Variants in KIF1A observed in about 807,000 individuals in gnomAD.
KIF1A encodes the protein kinesin family member 1A, also known as kinesin-like protein KIF1A.
A neutral mutation model predicts 227.3 loss-of-function variants in KIF1A; 46 were observed. The observed-to-expected ratio is 0.20, with a 90% CI of 0.16 to 0.26. KIF1A has a LOEUF of 0.26. KIF1A is among the 10% of genes least tolerant of loss of function. The pLI is 1.00. For missense variants in KIF1A, 1,683 were observed against 2,485.9 expected (o/e 0.68, Z 6.87); for synonymous variants, 1,022 against 1,012.8 (o/e 1.01, Z -0.17).
At chr2:240,764,338 G>A (rs762209592) in intron 20 of KIF1A, among the ~76,000 whole-genome samples, 2 of 152,012 alleles carry the variant, frequency 1.3e-5, no homozygotes, top group Non-Finnish European at 2.9e-5. Flanking sequence ...AGGCACCAGG[G>A]CCAACCCCAA....
rs560809711 is a variant in KIF1A at position 240,745,667 on chromosome 2, C to T, written c.3374+71G>A. On this transcript the variant is annotated intron_variant, in intron 31 of 48. Coordinates refer to ENST00000498729, the MANE Select transcript of KIF1A (RefSeq NM_001244008.2). ...CCAACATGGCCTGCTCCCTGCCCAG[C>T]ACCCAGGCACGGGAGCCTTGGGCAC... 1,432 of 1,550,430 alleles carry T rather than the reference C, an allele frequency of 9.2e-4. 2 individuals carry two copies. Among genetic ancestry groups the T allele is most frequent in the Non-Finnish European group, 1.1e-3 (1,301 of 1,138,694 alleles).
chr2:240,751,133 C>T (rs745789109), intron 27 of KIF1A, among the ~76,000 whole-genome samples: 1 of 152,172 alleles, frequency 6.6e-6, no homozygotes. Context: ...GCGGCCCAGC[C>T]TGCCCTGTCA....
chr2:240,720,039 G>T, intron 45 of KIF1A, 113 bp from the exon 46 acceptor site: 12 of 1,057,268 alleles, frequency 1.1e-5, no homozygotes, highest in East Asian at 3.0e-5. Context: ...GGGCACCTTC[G>T]CAGGGTCTCT....
intron 1 of KIF1A, among the ~76,000 whole-genome samples, chr2:240,813,309 A>G (rs1040109493): frequency 6.6e-6 from 1 of 152,226 alleles, no homozygotes; most frequent in Non-Finnish European, 1.5e-5. Context: ...CCCACCACAC[A>G]GCCCCCAACT....
chr2:240,808,570 G>T (rs2057611696), intron 1 of KIF1A, among the ~76,000 whole-genome samples: 1 of 151,916 alleles, frequency 6.6e-6, no homozygotes, highest in Admixed American at 6.6e-5. Flanking sequence ...TCCTTGGGAG[G>T]CTGAGGTAGG....
rs1444327081 is a variant in KIF1A at position 240,757,653 on chromosome 2, AGGGGCC to A, written c.2583-65_2583-60del. 7 of 1,450,596 alleles carry A rather than the reference AGGGGCC, an allele frequency of 4.8e-6. No homozygotes were observed. Among genetic ancestry groups the A allele is most frequent in the South Asian group, 2.5e-5 (2 of 79,380 alleles). 89.9% of individuals were successfully genotyped at this position (1,450,596 alleles called of 1,614,324 possible). A position where few individuals can be genotyped will look rare whatever the true frequency, so the allele number is the denominator to read the frequency against. ...ACACCAGCGACTCGCAGGGACGAACAGGGGCCGGGGCCGGGGCTGGGGGGCTTCTGT... is the reference window on the plus strand; with the variant it reads ...ACACCAGCGACTCGCAGGGACGAACAGGGGCCGGGGCTGGGGGGCTTCTGT... On this transcript the variant is annotated intron_variant, in intron 26 of 48. Transcript: ENST00000498729. This position sits in a 1 kb window ranked among gnomAD's most constrained non-coding sequence, Gnocchi z 6.2.
chr2:240,720,121 A>G, intron 45 of KIF1A, 195 bp from the exon 46 acceptor site: 1 of 490,964 alleles, frequency 2.0e-6, no homozygotes, highest in Non-Finnish European at 3.4e-6. Context: ...CGATTCCAGG[A>G]AGTGCTGGGC....
rs1250002854 is a variant in KIF1A at position 240,719,828 on chromosome 2, G to C, written c.4967C>G (p.Thr1656Arg). The change falls in exon 46 of 49, where the codon ACA becomes AGA. Residue 1656 changes from threonine to arginine, a missense_variant. This residue lies in a region of KIF1A where 384 missense variants were observed against 410.1 expected (regional missense o/e 0.94). Coordinates refer to ENST00000498729, the MANE Select transcript of KIF1A (RefSeq NM_001244008.2). ...CAGCAGGCGCTGGGGCTCCTTGTCT[G>C]TCTCTGTTGCCCGGGCAGGGGAAGG... ...KLPSPARATE[T>R]DKEPQRLLVP... 1.2e-6 allele frequency: 2 copies of C among 1,611,072 alleles called. No individual in the cohort carries two copies. Among genetic ancestry groups the C allele is most frequent in the Admixed American group, 3.3e-5 (2 of 59,766 alleles).
In KIF1A at chr2:240,788,312, T is replaced by C; in HGVS notation, c.184-82A>G. The C allele has an allele frequency of 1.5e-6, 2 of 1,350,982 alleles. No individual in the cohort carries two copies. Among genetic ancestry groups the C allele is most frequent in the Non-Finnish European group, 2.1e-6 (2 of 958,488 alleles). The allele number at this position is 1,350,982 out of a possible 1,614,324, so 83.7% of individuals were successfully genotyped here. A position where few individuals can be genotyped will look rare whatever the true frequency, so the allele number is the denominator to read the frequency against. ...CCATCATGTCTGCGGAGCCAGGGGA[T>C]GCCCAGGGCCTCAGGGTGCCAGGGC... is the stretch of plus-strand genomic sequence containing the variant. On this transcript the variant is annotated intron_variant, in intron 3 of 48. Transcript: ENST00000498729. This position sits in a 1 kb window ranked among gnomAD's most constrained non-coding sequence, Gnocchi z 6.6.
intron 38 of KIF1A, among the ~76,000 whole-genome samples, chr2:240,733,012 G>GA (rs2046925432): frequency 3.2e-5 from 4 of 126,032 alleles, no homozygotes; most frequent in African/African-American, 1.2e-4. Flanking sequence ...AGGGATGAGG[G>GA]GGAATGAGGG....
intron 42 of KIF1A, 59 bp downstream of exon 42, chr2:240,723,354 C>G: frequency 6.8e-7 from 1 of 1,467,824 alleles, no homozygotes; most frequent in Non-Finnish European, 9.1e-7. Context: ...AGCTTTTGCT[C>G]TGCACACAAA....
rs2052584087 is a variant in KIF1A at position 240,775,258 on chromosome 2, C to A, written c.958+593G>T. Among the ~76,000 whole-genome samples, 1 of 152,166 alleles carries A rather than the reference C, an allele frequency of 6.6e-6. No individual in the cohort carries two copies. The highest frequency in any genetic ancestry group is 2.4e-5 in the African/African-American group (1 of 41,440). ...CCATGCGGCTGAGGGAGGCCAGGGACCCCCAGTCATCTATGTTCACCAGGT... is the reference window on the plus strand; with the variant it reads ...CCATGCGGCTGAGGGAGGCCAGGGAACCCCAGTCATCTATGTTCACCAGGT... On this transcript the variant is annotated intron_variant, in intron 11 of 48. Coordinates refer to ENST00000498729, the MANE Select transcript of KIF1A (RefSeq NM_001244008.2). The surrounding 1 kb of genome is among the most constrained non-coding windows in gnomAD (Gnocchi z 5.5).
At chr2:240,781,431 C>CCACACACA (rs1207804684) in intron 10 of KIF1A, among the ~76,000 whole-genome samples, 1 of 21,964 alleles carries the variant, frequency 4.6e-5, no homozygotes, top group Non-Finnish European at 8.0e-5. Flanking sequence ...ACACACAGCT[C>CCACACACA]CACACACACA....
intron 37 of KIF1A, among the ~76,000 whole-genome samples, chr2:240,738,899 T>C (rs2047650913): frequency 6.6e-6 from 1 of 152,232 alleles, no homozygotes. Flanking sequence ...GTGAGGGCAG[T>C]GCTGCCCCAG....
In KIF1A at chr2:240,754,352, G is replaced by GTGCTCTTC. The variant is rs111280091; in HGVS notation, c.2858+2966_2858+2967insGAAGAGCA. 5.0e-4 allele frequency among the ~76,000 whole-genome samples: 76 copies of GTGCTCTTC among 151,642 alleles called. No homozygotes were observed. The East Asian group carries it at 0.014, about 28-fold the overall frequency. On this transcript the variant is annotated intron_variant, in intron 27 of 48. Transcript: ENST00000498729. ...GATCTGGCTGTGGCTCTAGTGCTGG[G>GTGCTCTTC]TGCTCTCCTCTCCCCACTGCCCGTC...
rs746442427 is a variant in KIF1A at position 240,719,841 on chromosome 2, G to C, written c.4954C>G (p.Arg1652Gly). The C allele has an allele frequency of 2.5e-6, 4 of 1,611,624 alleles. No homozygotes were observed. Among genetic ancestry groups the C allele is most frequent in the African/African-American group, 2.7e-5 (2 of 74,890 alleles). ...ADSKKLPSPARATETDKEPQR... is the reference protein window; with the variant it reads ...ADSKKLPSPAGATETDKEPQR... ...GGCTCCTTGTCTGTCTCTGTTGCCCGGGCAGGGGAAGGGAGCTTCTTGGAG... is the reference window on the plus strand; with the variant it reads ...GGCTCCTTGTCTGTCTCTGTTGCCCCGGCAGGGGAAGGGAGCTTCTTGGAG... Residue 1652 changes from arginine to glycine, a missense_variant, in exon 46 of 49, where the codon CGG becomes GGG. This residue lies in a region of KIF1A where 384 missense variants were observed against 410.1 expected (regional missense o/e 0.94). Coordinates refer to ENST00000498729, the MANE Select transcript of KIF1A (RefSeq NM_001244008.2).
intron 20 of KIF1A, among the ~76,000 whole-genome samples, chr2:240,764,789 G>A (rs2050949412): frequency 6.6e-6 from 1 of 152,136 alleles, no homozygotes; most frequent in South Asian, 2.1e-4. Context: ...GCCCCCAACG[G>A]TGGGGTGGGC....
chr2:240,782,999 G>A (rs1271830599), intron 9 of KIF1A, 45 bp downstream of exon 9: 1 of 1,486,354 alleles, frequency 6.7e-7, no homozygotes, highest in South Asian at 1.1e-5. Context: ...GGGCGCCAAA[G>A]ACCCTCTGGG....
At position 240,746,108 on chromosome 2, in the gene KIF1A, C is replaced by T. The variant is rs2125793618; in HGVS notation, c.3133G>A (p.Val1045Met). The T allele has an allele frequency of 1.3e-6, 2 of 1,582,854 alleles. No homozygotes were observed. The highest frequency in any genetic ancestry group is 1.7e-6 in the Non-Finnish European group (2 of 1,165,020). ...SGTSQEELRIVEGQGQGADVG... is the reference protein window; with the variant it reads ...SGTSQEELRIMEGQGQGADVG... ...TCTGCACCCTGGCCCTGGCCCTCCACGATGCGAAGCTCTTCCTGGGAGGTT... is the reference window on the plus strand; with the variant it reads ...TCTGCACCCTGGCCCTGGCCCTCCATGATGCGAAGCTCTTCCTGGGAGGTT... Residue 1045 changes from valine to methionine, a missense_variant, in exon 30 of 49, where the codon GTG (valine) becomes ATG (methionine). Coordinates refer to ENST00000498729, the MANE Select transcript of KIF1A (RefSeq NM_001244008.2).
Sources: gnomAD v4.1 joint callset for allele counts (sites outside exome capture counted in the v4.1 genomes callset) on GRCh38, gnomAD v4.1.1 for gene constraint, gnomAD v4.1.1 regional missense constraint, Gnocchi (gnomAD v3.1) non-coding constraint, MANE v1.5 for transcripts, NCBI Gene and HGNC (gene_info 2026-07-23, HGNC 2026-07-21) for gene names.